The following ACOXL variants were observed in gnomAD, a reference collection of about 807,000 sequenced individuals.
The protein encoded by ACOXL is acyl-CoA oxidase like.
ACOXL carries 70 observed loss-of-function variants against 71.9 expected under a neutral mutation model. The ratio of observed to expected loss-of-function variants is 0.97; its 90% CI spans 0.80 to 1.19. ACOXL has a LOEUF of 1.19. ACOXL is among the 50% of genes most tolerant of loss of function. The pLI, the probability that ACOXL is intolerant of heterozygous loss-of-function variation, is 0.00. For synonymous variants in ACOXL, 253 were observed against 281.6 expected, an observed-to-expected ratio of 0.90 and a Z score of 1.02; for missense variants, 703 against 736.3, an observed-to-expected ratio of 0.95 and a Z score of 0.52.
chr2:110,948,656 A>G (rs1267801044), intron 12 of ACOXL, among the ~76,000 whole-genome samples: 1 of 149,810 alleles, frequency 6.7e-6, no homozygotes, highest in Non-Finnish European at 1.5e-5. Flanking sequence ...GAATGTAGAC[A>G]GCTAAGACCA....
Position 110,982,831 on chromosome 2 carries a change from A to G in ACOXL, c.1060-4277A>G, listed in dbSNP as rs76433587. Reference sequence around the variant, plus strand: ...AACCCCTAGGGCCAGGGCCAGCTTCATGGGGTGAGATTTGTGCGGTGGTAC... The same window carrying G: ...AACCCCTAGGGCCAGGGCCAGCTTCGTGGGGTGAGATTTGTGCGGTGGTAC... On this transcript the variant is annotated intron_variant, in intron 12 of 17. Coordinates refer to ENST00000439055, the MANE Select transcript of ACOXL (RefSeq NM_001142807.4). Among the ~76,000 whole-genome samples the G allele has an allele frequency of 4.3e-3, 659 of 152,308 alleles. 36 individuals are homozygous for G. In the East Asian group the frequency reaches 0.089, roughly 21 times the overall value.
At chr2:110,993,006 A>G (rs189117378) in intron 13 of ACOXL, among the ~76,000 whole-genome samples, 2 of 152,368 alleles carry the variant, frequency 1.3e-5, no homozygotes, top group East Asian at 3.9e-4. Context: ...TCACTATCAT[A>G]TCTATGGATC....
At position 111,070,652 on chromosome 2, in the gene ACOXL, T is replaced by TA. The variant is rs200414659; in HGVS notation, c.1440+21374dup. Among the ~76,000 whole-genome samples the TA allele has an allele frequency of 2.2e-3, 324 of 148,540 alleles. 6 individuals are homozygous for TA. In the East Asian group the frequency reaches 0.048, roughly 22 times the overall value. On this transcript the variant is annotated intron_variant, in intron 16 of 17. Transcript: ENST00000439055. ...GTACCCACGATCCTAAAATAAAAGT[T>TA]AAAAAAAAAAGTCTTTGCTTACCTT... is the stretch of plus-strand genomic sequence containing the variant.
At chr2:110,819,102 A>G (rs1161171174) in intron 9 of ACOXL, among the ~76,000 whole-genome samples, 1 of 152,184 alleles carries the variant, frequency 6.6e-6, no homozygotes, top group Non-Finnish European at 1.5e-5. Context: ...ATGCCACGCT[A>G]AGAATTGCTG....
At chr2:110,852,674 C>T (rs1451033872) in intron 10 of ACOXL, among the ~76,000 whole-genome samples, 3 of 152,226 alleles carry the variant, frequency 2.0e-5, no homozygotes, top group African/African-American at 7.2e-5. Context: ...GGGACATCCC[C>T]TGGAGGGGCA....
chr2:110,963,856 G>T, intron 12 of ACOXL: 1 of 1,225,416 alleles, frequency 8.2e-7, no homozygotes, highest in Non-Finnish European at 1.1e-6. Flanking sequence ...GCTGAACAGG[G>T]GATTACGTTA....
At chr2:111,068,789 C>A (rs2067196225) in intron 16 of ACOXL, among the ~76,000 whole-genome samples, 1 of 152,192 alleles carries the variant, frequency 6.6e-6, no homozygotes, top group Non-Finnish European at 1.5e-5. Flanking sequence ...TCTGTTTTCC[C>A]ATAGGATTTA....
At chr2:111,061,600 T>C (rs1335509433) in intron 16 of ACOXL, among the ~76,000 whole-genome samples, 1 of 152,258 alleles carries the variant, frequency 6.6e-6, no homozygotes, top group Admixed American at 6.5e-5. Flanking sequence ...TTCAATTAGC[T>C]CTCCTTCTCC....
intron 12 of ACOXL, among the ~76,000 whole-genome samples, chr2:110,976,298 G>T (rs1016218439): frequency 1.3e-5 from 2 of 152,214 alleles, no homozygotes; most frequent in African/African-American, 4.8e-5. Flanking sequence ...AGACTCTGGG[G>T]TGGGGGAATT....
At chr2:110,930,623 C>A (rs1438558081) in intron 11 of ACOXL, among the ~76,000 whole-genome samples, 2 of 152,108 alleles carry the variant, frequency 1.3e-5, no homozygotes, top group African/African-American at 4.8e-5. Context: ...GTGTGCCCAC[C>A]CAAATCTCAT....
intron 16 of ACOXL, among the ~76,000 whole-genome samples, chr2:111,076,766 A>G (rs977951937): frequency 3.9e-5 from 6 of 152,226 alleles, no homozygotes; most frequent in African/African-American, 1.4e-4. Context: ...CAGAAGTCTG[A>G]AATCGGTATC....
Position 110,921,136 on chromosome 2 carries a change from T to A in ACOXL, c.905+12231T>A, listed in dbSNP as rs533842478. Among the ~76,000 whole-genome samples, 244 of 152,246 alleles carry A rather than the reference T, an allele frequency of 1.6e-3. 1 individual carries two copies. Among genetic ancestry groups the A allele is most frequent in the Non-Finnish European group, 3.0e-3 (207 of 67,994 alleles). ...CCTTTTCTTTTTAATGTCTGTGGGA[T>A]CAGTGCGATTTCTCCCCTGAAATCC... On this transcript the variant is annotated intron_variant, in intron 11 of 17. Coordinates refer to ENST00000439055, the MANE Select transcript of ACOXL (RefSeq NM_001142807.4).
intron 10 of ACOXL, among the ~76,000 whole-genome samples, chr2:110,878,962 G>A (rs1351425515): frequency 6.6e-6 from 1 of 151,428 alleles, no homozygotes; most frequent in Non-Finnish European, 1.5e-5. Flanking sequence ...GGAGGCTGAG[G>A]CAGAGAATTG....
chr2:110,763,457 G>A (rs1680658770), intron 1 of ACOXL, among the ~76,000 whole-genome samples: 1 of 152,204 alleles, frequency 6.6e-6, no homozygotes, highest in Non-Finnish European at 1.5e-5. Context: ...TTCTACCAAT[G>A]ATGCTGTGAC....
In ACOXL at chr2:110,751,064, C is replaced by T. The variant is rs937654332; in HGVS notation, c.-22-17304C>T. Among the ~76,000 whole-genome samples, 6 of 151,658 alleles carry T rather than the reference C, an allele frequency of 4.0e-5. No individual in the cohort carries two copies. In the East Asian group the frequency reaches 7.8e-4, roughly 20 times the overall value. On this transcript the variant is annotated intron_variant, in intron 1 of 17. Coordinates refer to ENST00000439055, the MANE Select transcript of ACOXL (RefSeq NM_001142807.4). ...CTGTAATCCCAGCACTTTGGGAGGC[C>T]GAGGCAGGCGGATCATGAGGTCAGG...
At chr2:110,937,859 A>G (rs1175910542) in intron 12 of ACOXL, among the ~76,000 whole-genome samples, 1 of 152,258 alleles carries the variant, frequency 6.6e-6, no homozygotes, top group Admixed American at 6.5e-5. Context: ...ATATGGAGAT[A>G]ACAAACCTTC....
chr2:110,742,968 A>T (rs1418478224), intron 1 of ACOXL, among the ~76,000 whole-genome samples: 1 of 152,226 alleles, frequency 6.6e-6, no homozygotes, highest in Non-Finnish European at 1.5e-5. Context: ...ATTCAGTGGC[A>T]TTTAGTGTGT....
rs889424528 is a variant in ACOXL at position 110,774,069 on chromosome 2, A to G, written c.75+5605A>G. The stretch of plus-strand genomic sequence containing the variant: ...AACACCCTTTTCAATCTAAGCCTTC[A>G]TTATTACTCGTGCAGTGAAATACTA... On this transcript the variant is annotated intron_variant, in intron 2 of 17. Transcript: ENST00000439055. Among the ~76,000 whole-genome samples the G allele has an allele frequency of 4.6e-5, 7 of 152,320 alleles. No homozygotes were observed. The East Asian group carries it at 9.6e-4, about 21-fold the overall frequency.
At chr2:110,874,501 G>C (rs1057244202) in intron 10 of ACOXL, among the ~76,000 whole-genome samples, 5 of 152,148 alleles carry the variant, frequency 3.3e-5, no homozygotes, top group Middle Eastern at 3.2e-3. Context: ...GGCCCCAAGA[G>C]CCCCTCTGCC....
Sources: gnomAD v4.1 joint callset for allele counts (sites outside exome capture counted in the v4.1 genomes callset) on GRCh38, gnomAD v4.1.1 for gene constraint, MANE v1.5 for transcripts, NCBI Gene and HGNC (gene_info 2026-07-23, HGNC 2026-07-21) for gene names.